Variants in NEDD4L observed in about 807,000 individuals in gnomAD.
NEDD4L encodes the protein E3 ubiquitin-protein ligase NEDD4-like.
Under a neutral mutation model 148.9 loss-of-function variants are expected in NEDD4L, and 54 were observed. The observed-to-expected ratio is 0.36, with a 90% CI of 0.29 to 0.45. The LOEUF (loss-of-function observed/expected upper bound fraction) is 0.45. Ranked by LOEUF, NEDD4L falls within the 20% of genes least tolerant of loss-of-function variation. The probability of loss-of-function intolerance (pLI) is 1.00; values close to 1 mark genes in which losing one functional copy is unlikely to be tolerated. For synonymous variants in NEDD4L, 433 were observed against 440.7 expected, an observed-to-expected ratio of 0.98 and a Z score of 0.22; for missense variants, 856 against 1,233.8, an observed-to-expected ratio of 0.69 and a Z score of 4.59.
chr18:58,319,585 A>C (rs1434827101), intron 6 of NEDD4L, among the ~76,000 whole-genome samples: 1 of 152,202 alleles, frequency 6.6e-6, no homozygotes, highest in Non-Finnish European at 1.5e-5. Flanking sequence ...CAGTGTGTTT[A>C]AGATGGCTTT....
intron 1 of NEDD4L, among the ~76,000 whole-genome samples, chr18:58,150,192 ATCTC>A (rs1330442635): frequency 6.6e-6 from 1 of 152,220 alleles, no homozygotes; most frequent in African/African-American, 2.4e-5. Context: ...TTTACCTCCT[ATCTC>A]TCTTGCTGGC....
chr18:58,299,431 G>A (rs9952515), intron 5 of NEDD4L, among the ~76,000 whole-genome samples: 4 of 152,306 alleles, frequency 2.6e-5, no homozygotes, highest in South Asian at 2.1e-4. Flanking sequence ...AGACAACAAC[G>A]TATTTCTTTG....
chr18:58,056,790 AG>A (rs1383083615), intron 1 of NEDD4L, among the ~76,000 whole-genome samples: 1 of 151,294 alleles, frequency 6.6e-6, no homozygotes, highest in African/African-American at 2.4e-5. Context: ...CATGTTGGCC[AG>A]GCTGGTCTTG....
At chr18:58,136,842 A>G (rs146253954) in intron 1 of NEDD4L, among the ~76,000 whole-genome samples, 53 of 152,338 alleles carry the variant, frequency 3.5e-4, no homozygotes, top group African/African-American at 9.1e-4. Context: ...TCATTCCACA[A>G]GTGGCCCAAC....
chr18:58,165,151 C>T (rs764391587), intron 1 of NEDD4L, among the ~76,000 whole-genome samples: 1 of 151,986 alleles, frequency 6.6e-6, no homozygotes, highest in Non-Finnish European at 1.5e-5. Context: ...ATTTCAAGGC[C>T]CCGGGCATAA....
chr18:58,362,927 C>T (rs927980309), intron 19 of NEDD4L, among the ~76,000 whole-genome samples: 4 of 152,154 alleles, frequency 2.6e-5, no homozygotes, highest in Non-Finnish European at 4.4e-5. Flanking sequence ...CTTGCCTAGA[C>T]TCAGAATTGC....
chr18:58,159,771 CAG>C (rs1324087234), intron 1 of NEDD4L, among the ~76,000 whole-genome samples: 1 of 152,152 alleles, frequency 6.6e-6, no homozygotes, highest in Non-Finnish European at 1.5e-5. Context: ...TGTTTTAATG[CAG>C]AGAGTGTTTA....
At chr18:58,325,291 G>A (rs374087803) in intron 9 of NEDD4L, 129 bp downstream of exon 9, 30 of 1,068,098 alleles carry the variant, frequency 2.8e-5, no homozygotes, top group African/African-American at 2.2e-4. Flanking sequence ...GGTGTGGTAC[G>A]AGATTCCTCT....
chr18:58,096,539 G>T (rs895587003), intron 1 of NEDD4L, among the ~76,000 whole-genome samples: 1 of 152,072 alleles, frequency 6.6e-6, no homozygotes, highest in Non-Finnish European at 1.5e-5. Context: ...GAGTAGCTGG[G>T]ATTACAGGCA....
chr18:58,068,594 G>A (rs528482939), intron 1 of NEDD4L, among the ~76,000 whole-genome samples: 1 of 152,208 alleles, frequency 6.6e-6, no homozygotes, highest in Non-Finnish European at 1.5e-5. Flanking sequence ...TGATTTACTT[G>A]CAAAGTGAGA....
intron 5 of NEDD4L, among the ~76,000 whole-genome samples, chr18:58,296,514 A>G (rs541442996): frequency 1.3e-5 from 2 of 152,356 alleles, no homozygotes; most frequent in East Asian, 1.9e-4. Flanking sequence ...CTAGGAACAC[A>G]TCTGCCCCTT....
chr18:58,363,433 A>C (rs933052651), intron 19 of NEDD4L, among the ~76,000 whole-genome samples: 1 of 152,206 alleles, frequency 6.6e-6, no homozygotes, highest in Non-Finnish European at 1.5e-5. Flanking sequence ...TGTATATGCA[A>C]AACCCAATCC....
At chr18:58,267,476 G>A (rs1184121460) in intron 5 of NEDD4L, among the ~76,000 whole-genome samples, 1 of 152,090 alleles carries the variant, frequency 6.6e-6, no homozygotes, top group East Asian at 1.9e-4. Context: ...CGGGAGCTGA[G>A]AGGCCTTTGC....
chr18:58,377,039 T>G (rs1037321415), intron 24 of NEDD4L, among the ~76,000 whole-genome samples: 3 of 152,222 alleles, frequency 2.0e-5, no homozygotes, highest in Non-Finnish European at 4.4e-5. Context: ...CGACTTTGCA[T>G]TTGTCTGAGT....
intron 1 of NEDD4L, among the ~76,000 whole-genome samples, chr18:58,097,978 A>G (rs1329188949): frequency 1.3e-5 from 2 of 152,220 alleles, no homozygotes; most frequent in Admixed American, 6.5e-5. Context: ...ACAGTGAGCC[A>G]TGATCACGCC....
At chr18:58,277,030 C>T (rs981862853) in intron 5 of NEDD4L, among the ~76,000 whole-genome samples, 2 of 152,100 alleles carry the variant, frequency 1.3e-5, no homozygotes, top group African/African-American at 4.8e-5. Flanking sequence ...GTTGGCTGTG[C>T]TACGCTTGGC....
intron 2 of NEDD4L, among the ~76,000 whole-genome samples, chr18:58,191,866 A>G (rs2040155759): frequency 6.6e-6 from 1 of 152,194 alleles, no homozygotes; most frequent in South Asian, 2.1e-4. Flanking sequence ...CATTGCTGAC[A>G]AGGTACATGG....
At chr18:58,344,105 C>T (rs561090682) in intron 16 of NEDD4L, among the ~76,000 whole-genome samples, 5 of 152,300 alleles carry the variant, frequency 3.3e-5, no homozygotes, top group Admixed American at 1.3e-4. Flanking sequence ...CCTAGCTCTT[C>T]GGTCTTGGAC....
At chr18:58,239,199 C>A (rs1261987166) in intron 2 of NEDD4L, among the ~76,000 whole-genome samples, 1 of 152,148 alleles carries the variant, frequency 6.6e-6, no homozygotes, top group Non-Finnish European at 1.5e-5. Flanking sequence ...ATCCATGAGC[C>A]CTCTGCTCTT....
Sources: allele counts gnomAD v4.1 joint callset (sites outside exome capture counted in the v4.1 genomes callset), GRCh38; gene constraint gnomAD v4.1.1; transcripts MANE v1.5; gene names NCBI Gene and HGNC (gene_info 2026-07-23, HGNC 2026-07-21).